The following SAMD5 variants were observed in gnomAD, a reference collection of about 807,000 sequenced individuals.
SAMD5 encodes sterile alpha motif domain containing 5, also known as sterile alpha motif domain-containing protein 5.
In SAMD5, 13 loss-of-function variants were observed where a neutral mutation model predicts 11.3. That is an observed-to-expected ratio of 1.15 (90% CI 0.75 to 1.83). The LOEUF is 1.83. Among genes scored for constraint, SAMD5 ranks in the 40% most tolerant of loss-of-function variants. SAMD5 has a pLI of 0.00. For synonymous variants in SAMD5, 129 were observed against 111.3 expected (o/e 1.16, Z -1.00); for missense variants, 255 against 239.1 (o/e 1.07, Z -0.44).
chr6:147,952,694 G>A, the SAMD5 span, among the ~76,000 whole-genome samples: 17 of 152,190 alleles, frequency 1.1e-4, no homozygotes, highest in African/African-American at 4.1e-4. Flanking sequence ...TGTACTTTTT[G>A]TAGAGATGGG....
In SAMD5 at chr6:147,690,487, A is replaced by C. The variant is rs1051289610; in HGVS notation, c.163-46830A>C. 5.3e-4 allele frequency among the ~76,000 whole-genome samples: 81 copies of C among 152,210 alleles called. 1 individual carries two copies. The East Asian group carries it at 0.015, about 29-fold the overall frequency. ...AAAGCCTGGCCAACTTGTGTCTACTAAAAATGCAAAAATTAGCCGGGCGTG... is the reference window on the plus strand; with the variant it reads ...AAAGCCTGGCCAACTTGTGTCTACTCAAAATGCAAAAATTAGCCGGGCGTG... On this transcript the variant is annotated intron_variant, in intron 1 of 1. Transcript: ENST00000566741.
chr6:147,571,007 A>G (rs899399728), downstream of SAMD5, among the ~76,000 whole-genome samples: 1 of 152,192 alleles, frequency 6.6e-6, no homozygotes, highest in African/African-American at 2.4e-5. Context: ...TCATTTTTCT[A>G]GAATGGACTT....
At chr6:147,571,103 G>T (rs1455743750), downstream of SAMD5, among the ~76,000 whole-genome samples, 1 of 152,168 alleles carries the variant, frequency 6.6e-6, no homozygotes, top group Non-Finnish European at 1.5e-5. Context: ...CCAGGGCTCT[G>T]CAGGGGCCAG....
chr6:147,937,424 G>C, the SAMD5 span, among the ~76,000 whole-genome samples: 2 of 152,150 alleles, frequency 1.3e-5, no homozygotes, highest in African/African-American at 4.8e-5. Context: ...AGGCTTATTG[G>C]AATTGGTTGA....
At chr6:147,933,041 A>T in the SAMD5 span, among the ~76,000 whole-genome samples, 71 of 152,314 alleles carry the variant, frequency 4.7e-4, no homozygotes, top group African/African-American at 1.6e-3. Context: ...TTAACTTAGG[A>T]TCTTTGACCA....
chr6:147,778,695 C>A, the SAMD5 span, among the ~76,000 whole-genome samples: 1 of 152,176 alleles, frequency 6.6e-6, no homozygotes, highest in Non-Finnish European at 1.5e-5. Context: ...AGTTAAACAG[C>A]CCCTGCTCCC....
At chr6:147,795,227 C>A in the SAMD5 span, among the ~76,000 whole-genome samples, 1 of 127,876 alleles carries the variant, frequency 7.8e-6, no homozygotes, top group Non-Finnish European at 1.6e-5. Context: ...CCCCCCACCC[C>A]ACAACAGTCC....
chr6:147,925,122 A>G, the SAMD5 span, among the ~76,000 whole-genome samples: 1 of 152,132 alleles, frequency 6.6e-6, no homozygotes, highest in East Asian at 1.9e-4. Flanking sequence ...CTAACCCCCA[A>G]TGTGTTGGTA....
chr6:147,731,652 CAAA>C (rs4052655), intron 1 of SAMD5, among the ~76,000 whole-genome samples: 13 of 90,108 alleles, frequency 1.4e-4, no homozygotes, highest in African/African-American at 3.1e-4. Context: ...CTGGCCACTA[CAAA>C]AAAAAAAAAA....
intron 1 of SAMD5, among the ~76,000 whole-genome samples, chr6:147,552,668 CAGTA>C (rs1357069794): frequency 1.3e-5 from 2 of 152,204 alleles, no homozygotes; most frequent in South Asian, 2.1e-4. Flanking sequence ...AAAAGCCTAA[CAGTA>C]AGGTGACTCT....
At chr6:147,559,121 C>T (rs899691263) in intron 1 of SAMD5, among the ~76,000 whole-genome samples, 2 of 152,186 alleles carry the variant, frequency 1.3e-5, no homozygotes, top group African/African-American at 2.4e-5. Flanking sequence ...AGATAAGGCA[C>T]GGCCCTGACT....
chr6:147,823,983 A>T, the SAMD5 span, among the ~76,000 whole-genome samples: 4 of 152,202 alleles, frequency 2.6e-5, no homozygotes, highest in South Asian at 6.2e-4. Flanking sequence ...TTATGAAATT[A>T]TGAAAGAGTT....
In SAMD5 at chr6:147,566,877, C is replaced by T; in HGVS notation, c.*2421C>T. On this transcript the variant is annotated 3_prime_UTR_variant, in exon 2 of 2. Coordinates refer to ENST00000367474, the MANE Select transcript of SAMD5 (RefSeq NM_001030060.3). ...GGATTATTTTTACCATGAATTGTATCTGGGGACAGTTAGTCTTAGAAGGAG... is the reference window on the plus strand; with the variant it reads ...GGATTATTTTTACCATGAATTGTATTTGGGGACAGTTAGTCTTAGAAGGAG... The T allele has an allele frequency of 1.0e-6, 1 of 971,212 alleles. No individual in the cohort carries two copies. Among genetic ancestry groups the T allele is most frequent in the Non-Finnish European group, 1.2e-6 (1 of 817,320 alleles). The allele number at this position is 971,212 out of a possible 1,614,324, so 60.2% of individuals were successfully genotyped here.
At chr6:147,523,307 C>A (rs2128440285) in intron 1 of SAMD5, among the ~76,000 whole-genome samples, 1 of 152,194 alleles carries the variant, frequency 6.6e-6, no homozygotes, top group Non-Finnish European at 1.5e-5. Context: ...TATAACAAAT[C>A]CTTGATTTAC....
chr6:147,836,743 C>A, the SAMD5 span, among the ~76,000 whole-genome samples: 2 of 152,164 alleles, frequency 1.3e-5, no homozygotes, highest in Non-Finnish European at 2.9e-5. Flanking sequence ...GTCTTCTCAA[C>A]CTTACTAAAT....
At chr6:147,896,695 T>G in the SAMD5 span, among the ~76,000 whole-genome samples, 1 of 123,846 alleles carries the variant, frequency 8.1e-6, no homozygotes, top group Admixed American at 8.3e-5. Flanking sequence ...ACTGTGGGAG[T>G]TTTTTTAAAA....
the SAMD5 span, among the ~76,000 whole-genome samples, chr6:147,756,444 TA>T: frequency 2.0e-5 from 3 of 152,188 alleles, no homozygotes; most frequent in African/African-American, 7.2e-5. Flanking sequence ...CAGGAAATTT[TA>T]AAAACGTTTA....
intron 1 of SAMD5, among the ~76,000 whole-genome samples, chr6:147,612,426 T>C (rs965188142): frequency 6.6e-6 from 1 of 152,218 alleles, no homozygotes; most frequent in East Asian, 1.9e-4. Context: ...TTATTTTATA[T>C]TGCCTCTGAT....
At chr6:147,813,026 T>C in the SAMD5 span, among the ~76,000 whole-genome samples, 1 of 152,218 alleles carries the variant, frequency 6.6e-6, no homozygotes. Flanking sequence ...TGAAAATTAG[T>C]AGTGATTAGA....
Sources: gnomAD v4.1 joint callset for allele counts (sites outside exome capture counted in the v4.1 genomes callset) on GRCh38, gnomAD v4.1.1 for gene constraint, MANE v1.5 for transcripts, NCBI Gene and HGNC (gene_info 2026-07-23, HGNC 2026-07-21) for gene names.